TAFA1: variants seen among roughly 807,000 people sequenced by gnomAD.
TAFA1 encodes the protein TAFA chemokine like family member 1.
Under a neutral mutation model 18.5 loss-of-function variants are expected in TAFA1, and 4 were observed. The ratio of observed to expected loss-of-function variants is 0.22; its 90% CI spans 0.11 to 0.49. TAFA1 has a LOEUF of 0.49. TAFA1 is among the 20% of genes least tolerant of loss of function. The pLI is 0.98. For missense variants in TAFA1, 147 were observed against 169.0 expected, an observed-to-expected ratio of 0.87 and a Z score of 0.72; for synonymous variants, 56 against 55.2, an observed-to-expected ratio of 1.01 and a Z score of -0.06.
chr3:68,371,743 T>TG (rs1292656196), intron 2 of TAFA1, among the ~76,000 whole-genome samples: 3 of 152,180 alleles, frequency 2.0e-5, no homozygotes, highest in African/African-American at 7.2e-5. Flanking sequence ...CAAACTCAAA[T>TG]GCGCACAGGA....
At chr3:68,427,437 A>G (rs1402436058) in intron 3 of TAFA1, among the ~76,000 whole-genome samples, 59 of 151,888 alleles carry the variant, frequency 3.9e-4, no homozygotes, top group Non-Finnish European at 1.5e-5. Context: ...AGGAAAATCT[A>G]TAACCCTGTC....
chr3:68,194,878 T>C (rs139101831), intron 2 of TAFA1, among the ~76,000 whole-genome samples: 1 of 151,874 alleles, frequency 6.6e-6, no homozygotes, highest in East Asian at 2.0e-4. Flanking sequence ...TAGGAAGTCT[T>C]CCCTACAGGT....
At chr3:68,211,568 T>C (rs1294130121) in intron 2 of TAFA1, among the ~76,000 whole-genome samples, 1 of 152,084 alleles carries the variant, frequency 6.6e-6, no homozygotes, top group Non-Finnish European at 1.5e-5. Flanking sequence ...GGAGAAACTC[T>C]GTTTTAGTCC....
chr3:68,426,386 A>G lies in TAFA1; in HGVS notation c.259+8966A>G, dbSNP rs187449855. On this transcript the variant is annotated intron_variant, in intron 3 of 4. Transcript: ENST00000478136. Reference sequence around the variant, plus strand: ...GGTACATGCAGGCCTACAGGTATAGACATATAAAACTTTATAAATAAAAAT... The same window carrying G: ...GGTACATGCAGGCCTACAGGTATAGGCATATAAAACTTTATAAATAAAAAT... Among the ~76,000 whole-genome samples, 71 of 152,004 alleles carry G rather than the reference A, an allele frequency of 4.7e-4. 1 individual carries two copies. Among genetic ancestry groups the G allele is most frequent in the African/African-American group, 1.5e-3 (61 of 41,524 alleles).
At chr3:68,147,736 C>G (rs1434795376) in intron 2 of TAFA1, among the ~76,000 whole-genome samples, 1 of 152,112 alleles carries the variant, frequency 6.6e-6, no homozygotes, top group African/African-American at 2.4e-5. Context: ...CCATCTCTGG[C>G]TCTTTCTTCC....
chr3:68,529,040 G>C (rs9811401), intron 3 of TAFA1, among the ~76,000 whole-genome samples: 120,125 of 151,700 alleles, frequency 0.79, 47,648 homozygotes, highest in East Asian at 0.89. Flanking sequence ...GTTTCATTGT[G>C]TTTATTCATT....
In TAFA1 at chr3:68,506,472, G is replaced by GACAC. The variant is rs55813351; in HGVS notation, c.260-32270_260-32267dup. On this transcript the variant is annotated intron_variant, in intron 3 of 4. Coordinates refer to ENST00000478136, the MANE Select transcript of TAFA1 (RefSeq NM_213609.4). ...GGTGTGTTCAACACACACACACAGA[G>GACAC]ACACACACACACACACAGAGCAAAT... Among the ~76,000 whole-genome samples, 32 of 150,856 alleles carry GACAC rather than the reference G, an allele frequency of 2.1e-4. No homozygotes were observed. In the South Asian group the frequency reaches 2.9e-3, roughly 14 times the overall value.
At chr3:68,266,620 G>A (rs1332196694) in intron 2 of TAFA1, among the ~76,000 whole-genome samples, 2 of 152,084 alleles carry the variant, frequency 1.3e-5, no homozygotes, top group African/African-American at 4.8e-5. Flanking sequence ...ACATAGGGCT[G>A]CAAACTATGT....
intron 2 of TAFA1, among the ~76,000 whole-genome samples, chr3:68,268,602 A>T (rs1434919124): frequency 1.3e-5 from 2 of 152,160 alleles, no homozygotes; most frequent in Non-Finnish European, 2.9e-5. Context: ...AGAATGGATG[A>T]ATAGTGGGTA....
intron 2 of TAFA1, among the ~76,000 whole-genome samples, chr3:68,298,249 C>G (rs2107292145): frequency 6.6e-6 from 1 of 152,264 alleles, no homozygotes; most frequent in Middle Eastern, 3.4e-3. Flanking sequence ...ATATTTCTTG[C>G]AGGAGTTTGA....
rs34524243 is a variant in TAFA1 at position 68,370,780 on chromosome 3, GT to G, written c.119-46482del. Reference sequence around the variant, plus strand: ...TTAAACCTCCTCGGGTGTTTTCGTTGTTTTTTTTTTTTTTTTTTAATTGTCT... The same window carrying G: ...TTAAACCTCCTCGGGTGTTTTCGTTGTTTTTTTTTTTTTTTTTAATTGTCT... On this transcript the variant is annotated intron_variant, in intron 2 of 4. Coordinates refer to ENST00000478136, the MANE Select transcript of TAFA1 (RefSeq NM_213609.4). 7.8e-3 allele frequency among the ~76,000 whole-genome samples: 958 copies of G among 122,104 alleles called. 8 individuals carry two copies. The highest frequency in any genetic ancestry group is 0.024 in the African/African-American group (785 of 32,446). The allele number at this position is 122,104 out of a possible 152,430, so 80.1% of individuals were successfully genotyped here. A position where few individuals can be genotyped will look rare whatever the true frequency, so the allele number is the denominator to read the frequency against.
chr3:68,162,319 A>C (rs2065934033), intron 2 of TAFA1, among the ~76,000 whole-genome samples: 1 of 152,188 alleles, frequency 6.6e-6, no homozygotes, highest in Non-Finnish European at 1.5e-5. Context: ...AAACTGTTCC[A>C]CTTCAGATCA....
intron 2 of TAFA1, among the ~76,000 whole-genome samples, chr3:68,121,526 T>C (rs767062254): frequency 4.6e-5 from 7 of 152,190 alleles, no homozygotes; most frequent in Non-Finnish European, 8.8e-5. Context: ...GAACTGAATG[T>C]ACAGGCTGTA....
chr3:68,085,388 TAC>T (rs1301180262), intron 2 of TAFA1, among the ~76,000 whole-genome samples: 3 of 152,198 alleles, frequency 2.0e-5, no homozygotes, highest in Non-Finnish European at 4.4e-5. Flanking sequence ...TGATTATGAT[TAC>T]ATGTTTTGAG....
intron 2 of TAFA1, among the ~76,000 whole-genome samples, chr3:68,245,246 C>T (rs968407645): frequency 6.6e-6 from 1 of 152,194 alleles, no homozygotes; most frequent in African/African-American, 2.4e-5. Flanking sequence ...CCAGTAGTTA[C>T]GGCCTGAGCA....
chr3:68,226,410 A>G (rs1393306427), intron 2 of TAFA1, among the ~76,000 whole-genome samples: 1 of 152,192 alleles, frequency 6.6e-6, no homozygotes, highest in Admixed American at 6.5e-5. Flanking sequence ...TTTTATATGC[A>G]TACGTGAATT....
At chr3:68,381,361 A>G (rs986951502) in intron 2 of TAFA1, among the ~76,000 whole-genome samples, 1 of 151,566 alleles carries the variant, frequency 6.6e-6, no homozygotes. Flanking sequence ...TACCTTGGGC[A>G]GTATGGCCAT....
chr3:68,116,730 CA>C, intron 2 of TAFA1, among the ~76,000 whole-genome samples: 1 of 152,178 alleles, frequency 6.6e-6, no homozygotes, highest in Non-Finnish European at 1.5e-5. Context: ...TTCATGAAAA[CA>C]AGGACCTCTG....
intron 3 of TAFA1, among the ~76,000 whole-genome samples, chr3:68,517,943 C>CAA (rs931018783): frequency 4.6e-5 from 7 of 151,678 alleles, no homozygotes; most frequent in African/African-American, 1.5e-4. Flanking sequence ...CACACACACA[C>CAA]ACACTCACAC....
Sources: gnomAD v4.1 joint callset for allele counts (sites outside exome capture counted in the v4.1 genomes callset) on GRCh38, gnomAD v4.1.1 for gene constraint, MANE v1.5 for transcripts, NCBI Gene and HGNC (gene_info 2026-07-23, HGNC 2026-07-21) for gene names.